Variants in ZHX1 observed in about 807,000 individuals in gnomAD.
ZHX1 encodes zinc fingers and homeoboxes protein 1.
In ZHX1, 20 loss-of-function variants were observed where a neutral mutation model predicts 61.8. The ratio of observed to expected loss-of-function variants is 0.32; its 90% confidence interval spans 0.23 to 0.47. ZHX1 has a LOEUF of 0.47. Among genes scored for constraint, ZHX1 ranks in the 20% least tolerant of loss-of-function variants. The pLI is 1.00. For synonymous variants in ZHX1, 318 were observed against 352.6 expected (o/e 0.90, Z 1.10); for missense variants, 800 against 1,034.8 (o/e 0.77, Z 3.11).
intron 1 of ZHX1, among the ~76,000 whole-genome samples, chr8:123,271,953 C>CA (rs1264240596): frequency 1.3e-5 from 2 of 152,210 alleles, no homozygotes; most frequent in Admixed American, 1.3e-4. Flanking sequence ...AGCATATTTT[C>CA]AAACCATCTG....
intron 2 of ZHX1, among the ~76,000 whole-genome samples, chr8:123,260,051 G>A (rs530397643): frequency 7.9e-5 from 12 of 152,214 alleles, no homozygotes; most frequent in South Asian, 2.1e-4. Context: ...CCAGCTACTC[G>A]GAAGGCTGAG....
At chr8:123,263,116 C>T (rs933811542) in intron 2 of ZHX1, among the ~76,000 whole-genome samples, 1 of 150,266 alleles carries the variant, frequency 6.7e-6, no homozygotes, top group Admixed American at 6.6e-5. Flanking sequence ...AAGGATTTTC[C>T]AGGGAAGCAA....
intron 3 of ZHX1, 39 bp downstream of exon 3, chr8:123,253,283 G>A (rs1825968355): frequency 6.8e-7 from 1 of 1,464,930 alleles, no homozygotes; most frequent in Non-Finnish European, 9.2e-7. Flanking sequence ...GTATGTGGTT[G>A]ATGAACATAT....
chr8:123,253,340 A>AC lies in ZHX1; in HGVS notation c.2606_2607insG (p.Lys870Ter). 6.2e-7 allele frequency: 1 copy of AC among 1,608,638 alleles called. No individual in the cohort carries two copies. Among genetic ancestry groups the AC allele is most frequent in the African/African-American group, 1.3e-5 (1 of 74,818 alleles). On this transcript the variant is annotated frameshift_variant, in exon 3 of 4. Transcript: ENST00000395571. LOFTEE classifies it high-confidence loss of function. ...AACTTACATTTCAGTCATCTGATTT[A>AC]GACAGCTTCCGTTTCACATGTCGTG...
At chr8:123,259,018 G>A (rs1039627251) in intron 2 of ZHX1, among the ~76,000 whole-genome samples, 2 of 152,190 alleles carry the variant, frequency 1.3e-5, no homozygotes, top group African/African-American at 2.4e-5. Flanking sequence ...CATCTAGTCA[G>A]TAAATGGAGA....
At position 123,268,831 on chromosome 8, in the gene ZHX1, G is replaced by A. The variant is rs553695561; in HGVS notation, c.-339-1445C>T. ...AGCACTATTCTCTGTAAACTATAAT[G>A]AATAAATATTAAGGAAGAGTATTTT... On this transcript the variant is annotated intron_variant, in intron 1 of 3. Coordinates refer to ENST00000395571, the MANE Select transcript of ZHX1 (RefSeq NM_007222.5). Among the ~76,000 whole-genome samples, 54 of 152,218 alleles carry A rather than the reference G, an allele frequency of 3.5e-4. No homozygotes were observed. In the South Asian group the frequency reaches 0.011, roughly 31 times the overall value.
chr8:123,271,816 G>A (rs1271180033), intron 1 of ZHX1, among the ~76,000 whole-genome samples: 1 of 152,108 alleles, frequency 6.6e-6, no homozygotes, highest in East Asian at 1.9e-4. Context: ...ATCATTAAAG[G>A]TGAAATAATT....
At position 123,254,565 on chromosome 8, in the gene ZHX1, T is replaced by C. The variant is rs778924018; in HGVS notation, c.1382A>G (p.Asn461Ser). 8 of 1,614,170 alleles carry C rather than the reference T, an allele frequency of 5.0e-6. No homozygotes were observed. In the South Asian group the frequency reaches 7.7e-5, roughly 16 times the overall value. Residue 461 changes from asparagine (N) to serine (S), a missense_variant, in exon 3 of 4, where the codon AAC (asparagine) becomes AGC (serine). Transcript: ENST00000395571. The surrounding 1 kb of genome is among the most constrained non-coding windows in gnomAD (Gnocchi z 4.1). The part of the protein sequence containing the change: ...QSVKHETALV[N>S]PDSFGIRAKK... Reference sequence around the variant, plus strand: ...TGCCCGAATGCCAAATGAATCAGGGTTTACCAATGCAGTTTCATGTTTGAC... The same window carrying C: ...TGCCCGAATGCCAAATGAATCAGGGCTTACCAATGCAGTTTCATGTTTGAC...
chr8:123,253,047 T>G (rs973904853), intron 3 of ZHX1: 1 of 312,150 alleles, frequency 3.2e-6, no homozygotes, highest in Non-Finnish European at 5.7e-6. Context: ...TCTCCCTTCA[T>G]AGAGATTGGG....
chr8:123,253,065 C>A (rs1460735667), intron 3 of ZHX1: 1 of 343,734 alleles, frequency 2.9e-6, no homozygotes, highest in Admixed American at 4.5e-5. Context: ...GGGTAACTTT[C>A]CTTCAAAACA....
At chr8:123,267,663 G>A (rs555867125) in intron 1 of ZHX1, among the ~76,000 whole-genome samples, 26 of 152,126 alleles carry the variant, frequency 1.7e-4, no homozygotes, top group African/African-American at 5.5e-4. Context: ...AATATATGCC[G>A]TCTCTAGTGT....
At chr8:123,260,415 A>G (rs1479127970) in intron 2 of ZHX1, among the ~76,000 whole-genome samples, 2 of 151,688 alleles carry the variant, frequency 1.3e-5, no homozygotes, top group South Asian at 2.1e-4. Flanking sequence ...GCTGGCCAAC[A>G]TGGTGAAATC....
At position 123,255,237 on chromosome 8, in the gene ZHX1, G is replaced by C. The variant is rs374383567; in HGVS notation, c.710C>G (p.Ser237Cys). ...SSASESNTST[S>C]IVNRIHPSTA... is the part of the protein sequence containing the mutation. ...ACTTGGATGTATTCTGTTTACAATG[G>C]AAGTACTTGTATTAGATTCAGAAGC... Residue 237 changes from serine to cysteine, a missense_variant, in exon 3 of 4, where the codon TCC (serine) becomes TGC (cysteine). Physicochemically the swap from Ser to Cys is moderately radical, Grantham distance 112. Transcript: ENST00000395571. The C allele has an allele frequency of 9.9e-6, 16 of 1,614,050 alleles. No individual in the cohort carries two copies. The highest frequency in any genetic ancestry group is 1.7e-5 in the Admixed American group (1 of 59,994).
Position 123,254,172 on chromosome 8 carries a change from A to G in ZHX1, c.1775T>C (p.Val592Ala), listed in dbSNP as rs1031358156. ...CCTATTTAATTCTTCATCTGTAAGT[A>G]CAGAGCTGTTGAGAAAACTTGCCTG... ...VLQASFLNSS[V>A]LTDEELNRLR... The change falls in exon 3 of 4, where the codon GTA becomes GCA. Residue 592 changes from valine to alanine, a missense_variant. Val to Ala is a moderately conservative substitution (Grantham distance 64). Transcript: ENST00000395571. The surrounding 1 kb of genome is among the most constrained non-coding windows in gnomAD (Gnocchi z 4.1). 9 of 1,614,064 alleles carry G rather than the reference A, an allele frequency of 5.6e-6. No homozygotes were observed. The African/African-American group carries it at 1.2e-4, about 22-fold the overall frequency.
chr8:123,268,294 A>G (rs1826532094), intron 1 of ZHX1, among the ~76,000 whole-genome samples: 1 of 152,218 alleles, frequency 6.6e-6, no homozygotes, highest in South Asian at 2.1e-4. Context: ...TGGCTTTACA[A>G]TCAGTGCACT....
chr8:123,269,699 T>C (rs1826580480), intron 1 of ZHX1, among the ~76,000 whole-genome samples: 1 of 152,222 alleles, frequency 6.6e-6, no homozygotes, highest in African/African-American at 2.4e-5. Context: ...ATTAATAGGA[T>C]ACTATTTACT....
chr8:123,268,363 T>G (rs983917014), intron 1 of ZHX1, among the ~76,000 whole-genome samples: 1 of 152,240 alleles, frequency 6.6e-6, no homozygotes, highest in East Asian at 1.9e-4. Context: ...AAAATTCAAT[T>G]ACTGTCCAAA....
intron 2 of ZHX1, among the ~76,000 whole-genome samples, chr8:123,264,418 C>T (rs768406259): frequency 2.0e-5 from 3 of 152,180 alleles, no homozygotes; most frequent in Non-Finnish European, 4.4e-5. Flanking sequence ...TATAATTAAA[C>T]AGAGCCACAA....
At position 123,255,535 on chromosome 8, in the gene ZHX1, G is replaced by C; in HGVS notation, c.412C>G (p.Arg138Gly). ...EENFKLTMVK[R>G]NNQTIFEQTI... ...TGTTCAAAGATTGTCTGGTTATTAC[G>C]TTTCACCATAGTCAACTTAAAATTC... The change falls in exon 3 of 4, where the codon CGT becomes GGT. Residue 138 changes from arginine to glycine, a missense_variant. Transcript: ENST00000395571. 6.2e-7 allele frequency: 1 copy of C among 1,613,080 alleles called. No individual in the cohort carries two copies. The highest frequency in any genetic ancestry group is 1.7e-4 in the Middle Eastern group (1 of 6,060).
Sources: allele counts gnomAD v4.1 joint callset (sites outside exome capture counted in the v4.1 genomes callset), GRCh38; gene constraint gnomAD v4.1.1; non-coding constraint Gnocchi (gnomAD v3.1); transcripts MANE v1.5; gene names NCBI Gene and HGNC (gene_info 2026-07-23, HGNC 2026-07-21).